The following CELF2 variants were observed in gnomAD, a reference collection of about 807,000 sequenced individuals.
The protein encoded by CELF2 is CUG triplet repeat RNA-binding protein 2.
A neutral mutation model predicts 62.6 loss-of-function variants in CELF2; 8 were observed. That is an observed-to-expected ratio of 0.13 (90% CI 0.07 to 0.23). CELF2 has a LOEUF of 0.23. CELF2 is among the 10% of genes least tolerant of loss of function. The pLI is 1.00. For synonymous variants in CELF2, 258 were observed against 250.0 expected, an observed-to-expected ratio of 1.03 and a Z score of -0.30; for missense variants, 333 against 671.0, an observed-to-expected ratio of 0.50 and a Z score of 5.56.
the CELF2 span, among the ~76,000 whole-genome samples, chr10:10,607,622 ATTC>A: frequency 2.0e-5 from 3 of 152,340 alleles, no homozygotes; most frequent in South Asian, 2.1e-4. Context: ...TTAGGTAAAT[ATTC>A]TTCTTCAAAT....
the CELF2 span, among the ~76,000 whole-genome samples, chr10:10,754,367 G>A: frequency 6.6e-6 from 1 of 151,930 alleles, no homozygotes; most frequent in Non-Finnish European, 1.5e-5. Flanking sequence ...TCCCAGGCTG[G>A]TCTCAAACTT....
chr10:11,154,933 C>T (rs2064021021), intron 1 of CELF2, among the ~76,000 whole-genome samples: 4 of 152,152 alleles, frequency 2.6e-5, no homozygotes, highest in Admixed American at 2.0e-4. Context: ...CAGCATTAAC[C>T]CAAACAAAGC....
At chr10:10,943,183 C>A (rs574454149) in intron 2 of CELF2, among the ~76,000 whole-genome samples, 1 of 152,270 alleles carries the variant, frequency 6.6e-6, no homozygotes, top group East Asian at 1.9e-4. Context: ...CCCATCTCTC[C>A]AACTGATGTC....
At chr10:10,563,107 C>G in the CELF2 span, among the ~76,000 whole-genome samples, 1 of 152,048 alleles carries the variant, frequency 6.6e-6, no homozygotes, top group Non-Finnish European at 1.5e-5. Context: ...CATAGGATCT[C>G]TGGAGGAGAG....
chr10:11,211,173 C>T lies in CELF2; in HGVS notation c.272-6252C>T, dbSNP rs1400334821. 6.6e-6 allele frequency among the ~76,000 whole-genome samples: 1 copy of T among 152,192 alleles called. No homozygotes were observed. The highest frequency in any genetic ancestry group is 1.5e-5 in the Non-Finnish European group (1 of 68,032). ...CATGCCTGCAGTCCTGGATACTCAG[C>T]AGCCTACAGTGGAGAAGATGACTTT... On this transcript the variant is annotated intron_variant, in intron 2 of 12. Coordinates refer to ENST00000633077, the MANE Select transcript of CELF2 (RefSeq NM_001326342.2). The surrounding 1 kb of genome is among the most constrained non-coding windows in gnomAD (Gnocchi z 4.8).
chr10:11,048,067 A>G (rs1481123994), intron 1 of CELF2, among the ~76,000 whole-genome samples: 81 of 152,184 alleles, frequency 5.3e-4, no homozygotes, highest in Non-Finnish European at 5.9e-5. Context: ...TCTCAGGTTC[A>G]TTGTTTGGCC....
At position 11,260,850 on chromosome 10, in the gene CELF2, G is replaced by T. The variant is rs921938998; in HGVS notation, c.538+2978G>T. Among the ~76,000 whole-genome samples the T allele has an allele frequency of 7.2e-5, 11 of 152,154 alleles. No individual in the cohort carries two copies. Among genetic ancestry groups the T allele is most frequent in the Admixed American group, 7.2e-4 (11 of 15,274 alleles). On this transcript the variant is annotated intron_variant, in intron 5 of 12. Coordinates refer to ENST00000633077, the MANE Select transcript of CELF2 (RefSeq NM_001326342.2). This position sits in a 1 kb window ranked among gnomAD's most constrained non-coding sequence, Gnocchi z 4.2. ...TACAGGGGCCTGCTCCTGAATCAGT[G>T]TATTTGTTAAAAGCACAATTCTCTT...
the CELF2 span, among the ~76,000 whole-genome samples, chr10:10,754,064 T>TTTTTTG: frequency 2.9e-5 from 4 of 139,324 alleles, no homozygotes; most frequent in African/African-American, 1.1e-4. Flanking sequence ...TGAGGTGGTT[T>TTTTTTG]TTTTTTTTTT....
intron 3 of CELF2, among the ~76,000 whole-genome samples, chr10:11,239,323 T>C (rs1398291848): frequency 6.6e-6 from 1 of 152,170 alleles, no homozygotes; most frequent in Non-Finnish European, 1.5e-5. Context: ...TAAGCCAAAA[T>C]CAGATATATA....
intron 1 of CELF2, among the ~76,000 whole-genome samples, chr10:11,135,063 T>C (rs2060218430): frequency 6.6e-6 from 1 of 152,180 alleles, no homozygotes; most frequent in Non-Finnish European, 1.5e-5. Flanking sequence ...GGGTGTTAGG[T>C]TGACTTGATG....
At chr10:10,515,982 G>A in the CELF2 span, among the ~76,000 whole-genome samples, 3 of 152,152 alleles carry the variant, frequency 2.0e-5, no homozygotes, top group East Asian at 1.9e-4. Flanking sequence ...GATAAGAGAC[G>A]GTAGTAATAA....
chr10:10,560,244 A>G, the CELF2 span, among the ~76,000 whole-genome samples: 1 of 152,318 alleles, frequency 6.6e-6, no homozygotes, highest in South Asian at 2.1e-4. Flanking sequence ...TTTCTTTCCC[A>G]AAAGGAAATA....
chr10:10,560,029 C>G, the CELF2 span, among the ~76,000 whole-genome samples: 2 of 152,158 alleles, frequency 1.3e-5, no homozygotes, highest in Non-Finnish European at 2.9e-5. Context: ...CAATTAGTCT[C>G]AGTAAAAGAG....
chr10:11,192,001 G>C (rs1489984598), intron 2 of CELF2, among the ~76,000 whole-genome samples: 1 of 152,156 alleles, frequency 6.6e-6, no homozygotes, highest in African/African-American at 2.4e-5. Flanking sequence ...TGTTTTCCCA[G>C]AATAGCCAAT....
chr10:10,528,332 C>G, the CELF2 span, among the ~76,000 whole-genome samples: 1 of 152,104 alleles, frequency 6.6e-6, no homozygotes, highest in Admixed American at 6.5e-5. Context: ...GAAAGGGGAT[C>G]CTGGAGCTGC....
chr10:11,057,123 T>G (rs1016698256), intron 1 of CELF2, among the ~76,000 whole-genome samples: 3 of 152,180 alleles, frequency 2.0e-5, no homozygotes, highest in African/African-American at 7.2e-5. Flanking sequence ...CAGTTTGCCC[T>G]GATGAAAAAT....
At chr10:11,198,283 T>C (rs1393762653) in intron 2 of CELF2, among the ~76,000 whole-genome samples, 2 of 152,254 alleles carry the variant, frequency 1.3e-5, no homozygotes, top group East Asian at 3.8e-4. Flanking sequence ...GGGAGCCGAA[T>C]GCAGTGACTG....
At chr10:10,896,761 C>G (rs2062582532) in intron 1 of CELF2, among the ~76,000 whole-genome samples, 1 of 152,204 alleles carries the variant, frequency 6.6e-6, no homozygotes, top group African/African-American at 2.4e-5. Context: ...TCTCAAACTT[C>G]TAGCTTCTAG....
chr10:10,641,519 C>T, the CELF2 span, among the ~76,000 whole-genome samples: 1 of 152,140 alleles, frequency 6.6e-6, no homozygotes, highest in Non-Finnish European at 1.5e-5. Flanking sequence ...CTGCTCACTG[C>T]AATTTCTGCC....
Sources: allele counts gnomAD v4.1 joint callset (sites outside exome capture counted in the v4.1 genomes callset), GRCh38; gene constraint gnomAD v4.1.1; non-coding constraint Gnocchi (gnomAD v3.1); transcripts MANE v1.5; gene names NCBI Gene and HGNC (gene_info 2026-07-23, HGNC 2026-07-21).